Variants in CDH12 observed in about 807,000 individuals in gnomAD.
The protein encoded by CDH12 is cadherin 12.
A neutral mutation model predicts 74.1 loss-of-function variants in CDH12; 41 were observed. The ratio of observed to expected loss-of-function variants is 0.55; its 90% CI spans 0.43 to 0.72. The LOEUF (loss-of-function observed/expected upper bound fraction) is 0.72, where lower values mean the gene tolerates loss of function less well. Among genes scored for constraint, CDH12 ranks in the 30% least tolerant of loss-of-function variants. The probability of loss-of-function intolerance (pLI) is 0.00; values close to 1 mark genes in which losing one functional copy is unlikely to be tolerated. For synonymous variants in CDH12, 399 were observed against 355.0 expected (o/e 1.12, Z -1.39); for missense variants, 945 against 977.2 (o/e 0.97, Z 0.44).
intron 1 of CDH12, among the ~76,000 whole-genome samples, chr5:22,664,408 G>A (rs749691452): frequency 2.6e-5 from 4 of 152,118 alleles, no homozygotes; most frequent in Admixed American, 6.5e-5. Flanking sequence ...AGTGCCAAGC[G>A]AAGGGGAGAA....
intron 1 of CDH12, among the ~76,000 whole-genome samples, chr5:22,568,353 T>C (rs1244057024): frequency 6.6e-6 from 1 of 152,216 alleles, no homozygotes; most frequent in Non-Finnish European, 1.5e-5. Flanking sequence ...TTGGGGTTGA[T>C]ATATATGTAG....
rs192056173 is a variant in CDH12 at position 21,775,728 on chromosome 5, T to A, written c.1393+7630A>T. On this transcript the variant is annotated intron_variant, in intron 11 of 14. Coordinates refer to ENST00000382254, the MANE Select transcript of CDH12 (RefSeq NM_004061.5). The stretch of plus-strand genomic sequence containing the variant: ...GTTTAGGTCTTCAAAGTAATTTTTT[T>A]TAAAAAAATAATTACTTATTATATT... Among the ~76,000 whole-genome samples the A allele has an allele frequency of 1.7e-3, 257 of 152,116 alleles. 1 individual carries two copies. The highest frequency in any genetic ancestry group is 3.4e-3 in the Middle Eastern group (1 of 294).
chr5:22,673,892 T>A (rs1352905494), intron 1 of CDH12, among the ~76,000 whole-genome samples: 1 of 152,176 alleles, frequency 6.6e-6, no homozygotes, highest in Non-Finnish European at 1.5e-5. Flanking sequence ...ATTGAGCAAG[T>A]AAGTTCACAA....
At chr5:22,041,182 T>C (rs1398328057) in intron 5 of CDH12, among the ~76,000 whole-genome samples, 1 of 151,914 alleles carries the variant, frequency 6.6e-6, no homozygotes, top group Non-Finnish European at 1.5e-5. Context: ...CACAAATATA[T>C]AGCAGATGCA....
chr5:22,239,110 A>G (rs1337044716), intron 3 of CDH12, among the ~76,000 whole-genome samples: 4 of 152,156 alleles, frequency 2.6e-5, no homozygotes, highest in Non-Finnish European at 4.4e-5. Context: ...AAATTAGTAA[A>G]GCTGTTGACC....
intron 12 of CDH12, 26 bp downstream of exon 12, chr5:21,764,952 C>T (rs773250045): frequency 6.2e-7 from 1 of 1,612,656 alleles, no homozygotes; most frequent in South Asian, 1.1e-5. Flanking sequence ...TCTTTATACA[C>T]TCAAGGAACA....
rs1376320407 is a variant in CDH12 at position 22,376,290 on chromosome 5, C to T, written c.-333+28967G>A. Among the ~76,000 whole-genome samples the T allele has an allele frequency of 4.0e-5, 6 of 151,884 alleles. No individual in the cohort carries two copies. In the East Asian group the frequency reaches 1.2e-3, roughly 29 times the overall value. On this transcript the variant is annotated intron_variant, in intron 3 of 14. Coordinates refer to ENST00000382254, the MANE Select transcript of CDH12 (RefSeq NM_004061.5). ...AGAATAGAAAGATAGATGCAAGATG[C>T]TGTGAAGGGTTTGTGTCTGGGAGGG...
At chr5:22,445,804 G>A (rs1042555352) in intron 2 of CDH12, among the ~76,000 whole-genome samples, 1 of 152,068 alleles carries the variant, frequency 6.6e-6, no homozygotes, top group Non-Finnish European at 1.5e-5. Context: ...AGGTAGCTCT[G>A]TGTTACTTCT....
At chr5:21,782,179 C>A (rs973554332) in intron 11 of CDH12, among the ~76,000 whole-genome samples, 1 of 152,158 alleles carries the variant, frequency 6.6e-6, no homozygotes, top group Admixed American at 6.5e-5. Flanking sequence ...GAATTGTCAA[C>A]CTGAGCACCG....
chr5:22,843,979 G>A (rs1341742957), intron 1 of CDH12, among the ~76,000 whole-genome samples: 1 of 151,982 alleles, frequency 6.6e-6, no homozygotes, highest in Non-Finnish European at 1.5e-5. Flanking sequence ...ATTAATGCAT[G>A]AGGAAACAGG....
At chr5:22,821,072 G>A (rs1186797126) in intron 1 of CDH12, among the ~76,000 whole-genome samples, 1 of 152,038 alleles carries the variant, frequency 6.6e-6, no homozygotes, top group African/African-American at 2.4e-5. Flanking sequence ...ATGCAAGGCT[G>A]GTTCAACATA....
In CDH12 at chr5:22,140,404, A is replaced by G. The variant is rs1195716510; in HGVS notation, c.-186-61542T>C. The stretch of plus-strand genomic sequence containing the variant: ...AAAGAATGCCACACAATAATTTCAA[A>G]CAACAGAGAAATGTATACATTTAAA... On this transcript the variant is annotated intron_variant, in intron 4 of 14. Transcript: ENST00000382254. 6.6e-5 allele frequency among the ~76,000 whole-genome samples: 10 copies of G among 152,142 alleles called. No individual in the cohort carries two copies. In the East Asian group the frequency reaches 1.2e-3, roughly 18 times the overall value.
At chr5:22,180,463 C>A (rs1002276091) in intron 4 of CDH12, among the ~76,000 whole-genome samples, 6 of 151,490 alleles carry the variant, frequency 4.0e-5, no homozygotes, top group African/African-American at 1.5e-4. Flanking sequence ...GTTTTCAATA[C>A]TCAATACAAA....
intron 1 of CDH12, among the ~76,000 whole-genome samples, chr5:22,807,225 G>T (rs1296099859): frequency 6.6e-6 from 1 of 152,132 alleles, no homozygotes; most frequent in Non-Finnish European, 1.5e-5. Context: ...GCATGCATAT[G>T]GGAATAATAT....
intron 6 of CDH12, among the ~76,000 whole-genome samples, chr5:21,880,580 C>T (rs866427324): frequency 1.4e-3 from 57 of 41,306 alleles, no homozygotes; most frequent in African/African-American, 4.6e-3. Flanking sequence ...TCTTTCCTTC[C>T]TTCCTTCCTT....
chr5:21,907,224 T>TA (rs1266175276), intron 6 of CDH12, among the ~76,000 whole-genome samples: 1 of 152,086 alleles, frequency 6.6e-6, no homozygotes, highest in Non-Finnish European at 1.5e-5. Flanking sequence ...GTTTAAAAAA[T>TA]ACGCCCAAAT....
chr5:22,052,669 A>G (rs1345288601), intron 5 of CDH12, among the ~76,000 whole-genome samples: 1 of 152,118 alleles, frequency 6.6e-6, no homozygotes, highest in East Asian at 1.9e-4. Flanking sequence ...GTTTTGACAA[A>G]TGGTATAGGC....
chr5:22,817,244 G>A (rs534236281), intron 1 of CDH12, among the ~76,000 whole-genome samples: 112 of 152,150 alleles, frequency 7.4e-4, no homozygotes, highest in Middle Eastern at 3.5e-3. Context: ...GATATACAAT[G>A]TAGAAAATTT....
chr5:22,382,639 TC>T (rs1421671598), intron 3 of CDH12, among the ~76,000 whole-genome samples: 1 of 152,112 alleles, frequency 6.6e-6, no homozygotes, highest in Non-Finnish European at 1.5e-5. Context: ...TTTATTGGTT[TC>T]TTAGGAGGCA....
Sources: allele counts gnomAD v4.1 joint callset (sites outside exome capture counted in the v4.1 genomes callset), GRCh38; gene constraint gnomAD v4.1.1; transcripts MANE v1.5; gene names NCBI Gene and HGNC (gene_info 2026-07-23, HGNC 2026-07-21).